CCSER1: variants seen among roughly 807,000 people sequenced by gnomAD.
CCSER1 encodes serine-rich coiled-coil domain-containing protein 1.
In CCSER1, 41 loss-of-function variants were observed where a neutral mutation model predicts 82.0. The ratio of observed to expected loss-of-function variants is 0.50; its 90% CI spans 0.39 to 0.65. The LOEUF (loss-of-function observed/expected upper bound fraction) is 0.65, where lower values mean the gene tolerates loss of function less well. Among genes scored for constraint, CCSER1 ranks in the 30% least tolerant of loss-of-function variants. CCSER1 has a pLI of 0.00. For missense variants in CCSER1, 1,119 were observed against 1,064.2 expected, an observed-to-expected ratio of 1.05 and a Z score of -0.72; for synonymous variants, 414 against 383.9, an observed-to-expected ratio of 1.08 and a Z score of -0.92.
At chr4:90,656,216 TC>T (rs1729676747) in intron 6 of CCSER1, among the ~76,000 whole-genome samples, 1 of 151,918 alleles carries the variant, frequency 6.6e-6, no homozygotes, top group Non-Finnish European at 1.5e-5. Flanking sequence ...GATCTTTATT[TC>T]CATGTTTTCT....
At chr4:90,933,683 T>C (rs1377043175) in intron 9 of CCSER1, among the ~76,000 whole-genome samples, 1 of 105,528 alleles carries the variant, frequency 9.5e-6, no homozygotes, top group African/African-American at 5.6e-5. Context: ...TTCTATACTT[T>C]TGGAAGTTTT....
chr4:91,541,354 A>G (rs1014235202), intron 10 of CCSER1, among the ~76,000 whole-genome samples: 7 of 152,156 alleles, frequency 4.6e-5, no homozygotes, highest in Admixed American at 6.5e-5. Flanking sequence ...TATTAGGTAT[A>G]TCTCCTAATG....
chr4:90,635,624 C>T (rs552752598), intron 6 of CCSER1, among the ~76,000 whole-genome samples: 2 of 151,696 alleles, frequency 1.3e-5, no homozygotes, highest in South Asian at 2.1e-4. Context: ...TGCGATAATT[C>T]GTAACCTTTA....
chr4:91,082,733 A>T (rs1438118759), intron 9 of CCSER1, among the ~76,000 whole-genome samples: 1 of 152,064 alleles, frequency 6.6e-6, no homozygotes, highest in Non-Finnish European at 1.5e-5. Context: ...AAACAACCCC[A>T]TCAAAAAGTG....
At chr4:91,263,849 A>G (rs1371508002) in intron 10 of CCSER1, among the ~76,000 whole-genome samples, 1 of 151,964 alleles carries the variant, frequency 6.6e-6, no homozygotes, top group Admixed American at 6.6e-5. Context: ...CAAAGATGTA[A>G]GCTACTTTTT....
At chr4:90,167,039 G>T (rs1730583289) in intron 1 of CCSER1, among the ~76,000 whole-genome samples, 3 of 151,864 alleles carry the variant, frequency 2.0e-5, no homozygotes, top group African/African-American at 7.3e-5. Flanking sequence ...TATGTGTATT[G>T]TTTATTATAA....
chr4:91,172,267 C>A (rs1159063680), intron 10 of CCSER1, among the ~76,000 whole-genome samples: 4 of 151,976 alleles, frequency 2.6e-5, no homozygotes, highest in African/African-American at 4.8e-5. Context: ...TAGGGATATA[C>A]ATATTGTTAA....
At chr4:91,172,809 A>G (rs1460206196) in intron 10 of CCSER1, among the ~76,000 whole-genome samples, 1 of 139,884 alleles carries the variant, frequency 7.1e-6, no homozygotes, top group East Asian at 2.1e-4. Context: ...GCAATCTAAC[A>G]TAATAAATAA....
At chr4:90,205,910 C>T (rs1198127720) in intron 1 of CCSER1, among the ~76,000 whole-genome samples, 2 of 152,018 alleles carry the variant, frequency 1.3e-5, no homozygotes, top group African/African-American at 2.4e-5. Flanking sequence ...TTGACTTCTT[C>T]CTGGTTTAGT....
intron 3 of CCSER1, among the ~76,000 whole-genome samples, chr4:90,344,972 A>G (rs1248251558): frequency 1.3e-5 from 2 of 152,074 alleles, no homozygotes; most frequent in Non-Finnish European, 2.9e-5. Context: ...CATTTGACCA[A>G]CTTCAGCCAG....
At chr4:91,341,162 C>A (rs1041820024) in intron 10 of CCSER1, among the ~76,000 whole-genome samples, 35 of 152,066 alleles carry the variant, frequency 2.3e-4, no homozygotes, top group African/African-American at 8.2e-4. Flanking sequence ...TGATTTCAGT[C>A]CTTTGACTTT....
chr4:91,339,175 T>A (rs1172548064), intron 10 of CCSER1, among the ~76,000 whole-genome samples: 1 of 152,184 alleles, frequency 6.6e-6, no homozygotes, highest in Admixed American at 6.6e-5. Flanking sequence ...ATATCTTTGC[T>A]TTAAGAAGCC....
rs143011377 is a variant in CCSER1, at chr4:91,550,425, T to A, written c.2218-48147T>A. ...ATTTTCCTATTGCTTCCCATGGAAG[T>A]TTCTGCTCTGATAAGTTGTGGCTCT... On this transcript the variant is annotated intron_variant, in intron 10 of 10. Coordinates refer to ENST00000509176, the MANE Select transcript of CCSER1 (RefSeq NM_001145065.2). Among the ~76,000 whole-genome samples, 83 of 152,272 alleles carry A rather than the reference T, an allele frequency of 5.5e-4. No individual in the cohort carries two copies. The East Asian group carries it at 0.015, about 28-fold the overall frequency.
intron 3 of CCSER1, among the ~76,000 whole-genome samples, chr4:90,346,675 ATGTC>A (rs1742413181): frequency 6.6e-6 from 1 of 152,110 alleles, no homozygotes; most frequent in African/African-American, 2.4e-5. Context: ...GTGCCTGTGT[ATGTC>A]TGTGTTTGTG....
intron 9 of CCSER1, among the ~76,000 whole-genome samples, chr4:91,016,168 G>A (rs887000234): frequency 5.9e-5 from 9 of 151,886 alleles, no homozygotes; most frequent in African/African-American, 2.2e-4. Flanking sequence ...ATTTGAAGTT[G>A]ACTGGATGAT....
intron 6 of CCSER1, among the ~76,000 whole-genome samples, chr4:90,644,078 C>T (rs899038460): frequency 1.1e-4 from 16 of 152,204 alleles, no homozygotes; most frequent in Non-Finnish European, 1.9e-4. Flanking sequence ...TTGAGCCTCA[C>T]GTTTGTTGCA....
At position 91,247,050 on chromosome 4, in the gene CCSER1, C is replaced by T. The variant is rs1391946945; in HGVS notation, c.2217+161056C>T. Among the ~76,000 whole-genome samples, 5 of 152,018 alleles carry T rather than the reference C, an allele frequency of 3.3e-5. No individual in the cohort carries two copies. In the East Asian group the frequency reaches 9.6e-4, roughly 29 times the overall value. ...GGTGCAGTGGCTCACACCTGTAATC[C>T]CAGCACTTTGGGAGGCCGAGGCGGG... On this transcript the variant is annotated intron_variant, in intron 10 of 10. Coordinates refer to ENST00000509176, the MANE Select transcript of CCSER1 (RefSeq NM_001145065.2).
intron 10 of CCSER1, among the ~76,000 whole-genome samples, chr4:91,179,223 C>T (rs1357134448): frequency 6.6e-6 from 1 of 152,170 alleles, no homozygotes; most frequent in East Asian, 1.9e-4. Context: ...TTCTGTCTGG[C>T]TGCCCTTAAA....
chr4:90,966,260 A>T (rs1399864717), intron 9 of CCSER1, among the ~76,000 whole-genome samples: 1 of 152,036 alleles, frequency 6.6e-6, no homozygotes, highest in Non-Finnish European at 1.5e-5. Context: ...AGAAACTTGA[A>T]GTCCATGTGG....
Sources: allele counts gnomAD v4.1 joint callset (sites outside exome capture counted in the v4.1 genomes callset), GRCh38; gene constraint gnomAD v4.1.1; transcripts MANE v1.5; gene names NCBI Gene and HGNC (gene_info 2026-07-23, HGNC 2026-07-21).